SPON2: variants seen among roughly 807,000 people sequenced by gnomAD.
SPON2 encodes the protein spondin-2.
A neutral mutation model predicts 29.9 loss-of-function variants in SPON2; 32 were observed. The ratio of observed to expected loss-of-function variants is 1.07; its 90% CI spans 0.81 to 1.44. The LOEUF (loss-of-function observed/expected upper bound fraction) is 1.44, where lower values mean the gene tolerates loss of function less well. Ranked by LOEUF, SPON2 falls within the 40% of genes most tolerant of loss-of-function variation. The pLI, the probability that SPON2 is intolerant of heterozygous loss-of-function variation, is 0.00. For synonymous variants in SPON2, 248 were observed against 209.1 expected (o/e 1.19, Z -1.61); for missense variants, 541 against 455.5 (o/e 1.19, Z -1.71).
At chr4:1,177,285 G>C (rs547920699), upstream of SPON2, among the ~76,000 whole-genome samples, 77 of 152,300 alleles carry the variant, frequency 5.1e-4, no homozygotes, top group African/African-American at 1.8e-3. Context: ...CTTAGTGCCT[G>C]CTGTGGTTGG....
Position 1,171,877 on chromosome 4 carries a change from G to A in SPON2, c.195C>T (p.Pro65=). 19 of 1,612,854 alleles carry A rather than the reference G, an allele frequency of 1.2e-5. No homozygotes were observed. Among genetic ancestry groups the A allele is most frequent in the Non-Finnish European group, 1.6e-5 (19 of 1,179,840 alleles). The change falls in exon 2 of 6, where the codon CCC becomes CCT. Residue 65 remains proline (P), a synonymous_variant. Coordinates refer to ENST00000290902, the MANE Select transcript of SPON2 (RefSeq NM_012445.4). ...AFPKQYPLFR[P]PAQWSSLLGA... ...CCAGCAGCGAAGACCACTGCGCAGG[G>A]GGGCGGAACAGGGGGTACTGCTTGG... is the stretch of plus-strand genomic sequence containing the variant.
In SPON2 at chr4:1,171,349, C is replaced by G. The variant is rs375258374; in HGVS notation, c.358G>C (p.Val120Leu). The G allele has an allele frequency of 1.7e-5, 27 of 1,609,894 alleles. No homozygotes were observed. The highest frequency in any genetic ancestry group is 1.7e-4 in the Middle Eastern group (1 of 5,942). ...IEAAGEALQS[V>L]HAVFSAPAVP... is the part of the protein sequence containing the mutation. ...GCGGGCGCCGAAAACACCGCGTGCA[C>G]GCTCTGCAGCGCCTCCCCCGCCGCC... Residue 120 changes from valine (V) to leucine (L), a missense_variant, in exon 3 of 6, where the codon GTG (valine) becomes CTG (leucine). Physicochemically the swap from Val to Leu is conservative, Grantham distance 32 (BLOSUM62 1). Transcript: ENST00000290902.
At chr4:1,201,067 C>T (rs1006326328) in intron 1 of SPON2, 11 of 452,296 alleles carry the variant, frequency 2.4e-5, no homozygotes, top group African/African-American at 6.0e-5. Flanking sequence ...CCCACCCTGA[C>T]GAGGTTGGCC....
chr4:1,187,369 G>A (rs902218382), intron 1 of SPON2, among the ~76,000 whole-genome samples: 3 of 152,218 alleles, frequency 2.0e-5, no homozygotes, highest in Admixed American at 1.3e-4. Flanking sequence ...GCTGGGGGGA[G>A]CAGAAATGGG....
At chr4:1,173,652 CTTT>C (rs1337398679), upstream of SPON2, among the ~76,000 whole-genome samples, 2 of 152,230 alleles carry the variant, frequency 1.3e-5, no homozygotes, top group Non-Finnish European at 2.9e-5. Flanking sequence ...ACCCAGAGGG[CTTT>C]TAAGCTTAGA....
At chr4:1,201,012 C>CA (rs1728188777) in intron 1 of SPON2, 5 of 456,632 alleles carry the variant, frequency 1.1e-5, no homozygotes, top group Middle Eastern at 3.3e-4. Context: ...GTGGACTGTT[C>CA]CCACCATACC....
At chr4:1,197,630 GGAGA>G (rs769036920), upstream of SPON2, among the ~76,000 whole-genome samples, 16 of 96,716 alleles carry the variant, frequency 1.7e-4, no homozygotes, top group Non-Finnish European at 3.0e-4. Context: ...TAAAAAGTAG[GGAGA>G]ATTATGAAGA....
chr4:1,167,751 AGAGGC>A, intron 5 of SPON2, 95 bp from the exon 6 acceptor site: 1 of 1,364,126 alleles, frequency 7.3e-7, no homozygotes, highest in African/African-American at 1.4e-5. Context: ...TGCATTCATC[AGAGGC>A]CACGCCCACC....
intron 1 of SPON2, among the ~76,000 whole-genome samples, chr4:1,185,848 A>G (rs988447735): frequency 2.8e-4 from 43 of 152,178 alleles, no homozygotes; most frequent in Admixed American, 5.2e-4. Flanking sequence ...GTACAACTTC[A>G]GATTTTACAA....
chr4:1,186,223 G>A (rs1727801582), intron 1 of SPON2, among the ~76,000 whole-genome samples: 2 of 145,158 alleles, frequency 1.4e-5, no homozygotes, highest in African/African-American at 5.2e-5. Context: ...CAGCTTGGGT[G>A]ACAGAGCGAG....
In SPON2 at chr4:1,170,956, C is replaced by A. The variant is rs1275359749; in HGVS notation, c.636+43G>T. The A allele has an allele frequency of 2.1e-5, 33 of 1,545,634 alleles. No homozygotes were observed. In the East Asian group the frequency reaches 7.6e-4, roughly 36 times the overall value. On this transcript the variant is annotated intron_variant, in intron 4 of 5. Transcript: ENST00000290902. ...CCAGGCCCCAGCCCCGTCCCCACCGCGGGGGCCATAGCGGCCCTTGCGCAC... is the reference window on the plus strand; with the variant it reads ...CCAGGCCCCAGCCCCGTCCCCACCGAGGGGGCCATAGCGGCCCTTGCGCAC...
At chr4:1,192,939 C>T (rs921422452) in intron 1 of SPON2, among the ~76,000 whole-genome samples, 2 of 152,206 alleles carry the variant, frequency 1.3e-5, no homozygotes, top group African/African-American at 4.8e-5. Flanking sequence ...ACTGCAGCAG[C>T]TGCTGGGGTC....
At chr4:1,200,766 C>T (rs1728180030) in intron 1 of SPON2, 1 of 454,888 alleles carries the variant, frequency 2.2e-6, no homozygotes. Flanking sequence ...AGGGTGGGTG[C>T]AGCCCCCCAC....
chr4:1,189,852 G>T (rs1727877136), intron 1 of SPON2, among the ~76,000 whole-genome samples: 1 of 151,532 alleles, frequency 6.6e-6, no homozygotes, highest in South Asian at 2.1e-4. Flanking sequence ...AGCCGGGCAT[G>T]GTGGCACCCA....
intron 5 of SPON2, chr4:1,168,011 G>A (rs1427451441): frequency 2.9e-5 from 7 of 244,120 alleles, no homozygotes; most frequent in African/African-American, 1.1e-4. Context: ...TGCTCTGCCC[G>A]AGCCTGGACC....
chr4:1,175,962 C>A (rs57759896), upstream of SPON2, among the ~76,000 whole-genome samples: 1 of 152,124 alleles, frequency 6.6e-6, no homozygotes, highest in East Asian at 1.9e-4. Context: ...TCCAAAAGCA[C>A]GCCTGCGAAG....
At chr4:1,172,131 G>T in intron 1 of SPON2, 57 bp from the exon 2 acceptor site, 2 of 1,502,704 alleles carry the variant, frequency 1.3e-6, no homozygotes, top group Non-Finnish European at 1.8e-6. Flanking sequence ...GCCTCGGGGT[G>T]GAAAGCCGAG....
In SPON2 at chr4:1,170,398, T is replaced by C. The variant is rs774825239; in HGVS notation, c.811+4A>G. ...GTGTCCCATGTGACCTGTATGTCCG[T>C]TACCTGAGGCGCTGTCTACAATCTC... On this transcript the variant is annotated splice_donor_region_variant and intron_variant, in intron 5 of 5. Transcript: ENST00000290902. 1 of 1,611,748 alleles carries C rather than the reference T, an allele frequency of 6.2e-7. No homozygotes were observed. Among genetic ancestry groups the C allele is most frequent in the Non-Finnish European group, 8.5e-7 (1 of 1,179,392 alleles).
chr4:1,168,730 A>C (rs1383450698), intron 5 of SPON2, among the ~76,000 whole-genome samples: 1 of 152,214 alleles, frequency 6.6e-6, no homozygotes, highest in Non-Finnish European at 1.5e-5. Context: ...GTCAGTGAGC[A>C]CTGGCAGTGC....
Sources: gnomAD v4.1 joint callset for allele counts (sites outside exome capture counted in the v4.1 genomes callset) on GRCh38, gnomAD v4.1.1 for gene constraint, MANE v1.5 for transcripts, NCBI Gene and HGNC (gene_info 2026-07-23, HGNC 2026-07-21) for gene names.